The following VPS8 variants were observed in gnomAD, a reference collection of about 807,000 sequenced individuals.
VPS8 encodes the protein VPS8 subunit of CORVET complex, also known as vacuolar protein sorting-associated protein 8 homolog.
A neutral mutation model predicts 216.4 loss-of-function variants in VPS8; 129 were observed. That is an observed-to-expected ratio of 0.60 (90% CI 0.52 to 0.69). The LOEUF (loss-of-function observed/expected upper bound fraction) is 0.69. Among genes scored for constraint, VPS8 ranks in the 30% least tolerant of loss-of-function variants. The probability of loss-of-function intolerance (pLI) is 0.00; values close to 1 mark genes in which losing one functional copy is unlikely to be tolerated. For missense variants in VPS8, 1,531 were observed against 1,683.5 expected, an observed-to-expected ratio of 0.91 and a Z score of 1.59; for synonymous variants, 571 against 565.4, an observed-to-expected ratio of 1.01 and a Z score of -0.14.
chr3:185,023,623 A>T (rs1234201931), intron 45 of VPS8, among the ~76,000 whole-genome samples: 2 of 152,114 alleles, frequency 1.3e-5, no homozygotes, highest in Non-Finnish European at 2.9e-5. Context: ...GTGCCATTGC[A>T]CTCCAGCCTG....
At chr3:185,041,708 ATCACCCGT>A (rs1385186976) in intron 46 of VPS8, among the ~76,000 whole-genome samples, 4 of 152,246 alleles carry the variant, frequency 2.6e-5, no homozygotes, top group Non-Finnish European at 5.9e-5. Context: ...GTGCTGAATT[ATCACCCGT>A]TTGTAAAGGT....
intron 3 of VPS8, 96 bp downstream of exon 3, chr3:184,826,327 T>C (rs1718769987): frequency 2.5e-6 from 2 of 812,058 alleles, no homozygotes; most frequent in African/African-American, 1.8e-5. Context: ...ATGCGCACTT[T>C]CCAGTAGGGT....
At position 184,920,533 on chromosome 3, in the gene VPS8, TC is replaced by T. The variant is rs370209296; in HGVS notation, c.2454+337del. 2.6e-4 allele frequency among the ~76,000 whole-genome samples: 39 copies of T among 152,314 alleles called. No individual in the cohort carries two copies. In the South Asian group the frequency reaches 8.1e-3, roughly 32 times the overall value. On this transcript the variant is annotated intron_variant, in intron 29 of 47. Coordinates refer to ENST00000625842, the MANE Select transcript of VPS8 (RefSeq NM_001009921.3). ...AGAAAACAATTAATATGGAGAATCTTCCTGTGTCTCATGCCAACTTCACTTT... is the reference window on the plus strand; with the variant it reads ...AGAAAACAATTAATATGGAGAATCTTCTGTGTCTCATGCCAACTTCACTTT...
chr3:184,828,658 C>T (rs926384382), intron 3 of VPS8, among the ~76,000 whole-genome samples: 1 of 152,174 alleles, frequency 6.6e-6, no homozygotes, highest in South Asian at 2.1e-4. Context: ...TTGACCCTTT[C>T]TAATCTCCCA....
At chr3:184,884,810 C>A (rs956479688) in intron 21 of VPS8, among the ~76,000 whole-genome samples, 2 of 152,190 alleles carry the variant, frequency 1.3e-5, no homozygotes, top group South Asian at 4.1e-4. Context: ...TTGGAACTTA[C>A]TGCTTTGGTT....
chr3:184,916,991 A>T (rs1358318277), intron 28 of VPS8, among the ~76,000 whole-genome samples: 1 of 152,204 alleles, frequency 6.6e-6, no homozygotes, highest in East Asian at 1.9e-4. Context: ...CTTGGCAACA[A>T]GATATAAACT....
chr3:184,989,808 C>A (rs898391467), intron 42 of VPS8, among the ~76,000 whole-genome samples: 2 of 152,026 alleles, frequency 1.3e-5, no homozygotes, highest in Non-Finnish European at 2.9e-5. Context: ...TGTGGTGGCT[C>A]ACACCTATAA....
chr3:184,847,236 T>C (rs1723303558), intron 8 of VPS8, among the ~76,000 whole-genome samples: 1 of 152,232 alleles, frequency 6.6e-6, no homozygotes, highest in African/African-American at 2.4e-5. Flanking sequence ...AACTCTTTTT[T>C]GGGAAGGAGG....
At chr3:184,827,957 G>A (rs571523203) in intron 3 of VPS8, among the ~76,000 whole-genome samples, 13 of 152,254 alleles carry the variant, frequency 8.5e-5, no homozygotes, top group South Asian at 2.1e-4. Context: ...TTATGAAGAC[G>A]ATAAGGGGGC....
rs376129060 is a variant in VPS8, at chr3:184,852,538, C to T, written c.792C>T (p.Ser264=). 177 of 1,613,552 alleles carry T rather than the reference C, an allele frequency of 1.1e-4. No individual in the cohort carries two copies. The African/African-American group carries it at 1.8e-3, about 16-fold the overall frequency. Residue 264 remains serine, a synonymous_variant, in exon 11 of 48, where the codon AGC becomes AGT. Transcript: ENST00000625842. ...DDPTLAICND[S]GGSVFELTFK... The stretch of plus-strand genomic sequence containing the variant: ...CAACTCTTGCAATTTGCAACGACAG[C>T]GGAGGCTCTGTTTTTGAATTGACAT...
intron 14 of VPS8, among the ~76,000 whole-genome samples, chr3:184,856,427 C>A (rs1391955393): frequency 6.6e-6 from 1 of 152,160 alleles, no homozygotes; most frequent in Non-Finnish European, 1.5e-5. Flanking sequence ...GGTATGCATA[C>A]TGGGGGAAGT....
chr3:184,826,141 A>G (rs768316076), intron 2 of VPS8, 22 bp from the exon 3 acceptor site: 20 of 1,567,556 alleles, frequency 1.3e-5, no homozygotes, highest in Non-Finnish European at 1.7e-5. Flanking sequence ...TTTTGTGAGC[A>G]CTATTTTTTT....
intron 46 of VPS8, among the ~76,000 whole-genome samples, chr3:185,034,707 C>G (rs1208872842): frequency 6.6e-6 from 1 of 151,828 alleles, no homozygotes; most frequent in Admixed American, 6.6e-5. Flanking sequence ...TGCAGATGCT[C>G]TTTAGTTTAA....
intron 8 of VPS8, among the ~76,000 whole-genome samples, chr3:184,845,236 A>C (rs1722904550): frequency 6.6e-6 from 1 of 152,140 alleles, no homozygotes; most frequent in Admixed American, 6.5e-5. Context: ...TGTTCTTTAC[A>C]TGTATCCATG....
intron 46 of VPS8, among the ~76,000 whole-genome samples, chr3:185,034,581 T>C (rs1269237320): frequency 6.6e-6 from 1 of 152,068 alleles, no homozygotes; most frequent in East Asian, 1.9e-4. Context: ...TCCTGTTCTG[T>C]AGATTGTCTG....
At chr3:184,827,784 C>A (rs1719108318) in intron 3 of VPS8, among the ~76,000 whole-genome samples, 1 of 152,090 alleles carries the variant, frequency 6.6e-6, no homozygotes, top group East Asian at 1.9e-4. Context: ...GTTTGAGTGT[C>A]TAGTGTATTT....
chr3:184,980,888 A>G (rs900014466), intron 40 of VPS8, among the ~76,000 whole-genome samples: 4 of 152,196 alleles, frequency 2.6e-5, no homozygotes, highest in Admixed American at 6.5e-5. Context: ...TGTTAAGAAG[A>G]AACTCTGGCT....
Position 185,052,190 on chromosome 3 carries a change from A to C in VPS8, c.*165A>C, listed in dbSNP as rs1454776277. On this transcript the variant is annotated 3_prime_UTR_variant, in exon 48 of 48. Coordinates refer to ENST00000625842, the MANE Select transcript of VPS8 (RefSeq NM_001009921.3). ...GCGTCCACAGCACCATTCCCAGTGT[A>C]GACTCCCAGTCTTCTCCACATTGCT... 2 of 651,008 alleles carry C rather than the reference A, an allele frequency of 3.1e-6. No individual in the cohort carries two copies. The highest frequency in any genetic ancestry group is 3.7e-5 in the African/African-American group (2 of 53,558). 40.3% of individuals were successfully genotyped at this position (651,008 alleles called of 1,614,324 possible).
At chr3:184,932,485 A>C (rs1178098987) in intron 34 of VPS8, among the ~76,000 whole-genome samples, 1 of 152,190 alleles carries the variant, frequency 6.6e-6, no homozygotes, top group Non-Finnish European at 1.5e-5. Flanking sequence ...TGTATAGCTT[A>C]ATTAAAAATG....
Sources: allele counts gnomAD v4.1 joint callset (sites outside exome capture counted in the v4.1 genomes callset), GRCh38; gene constraint gnomAD v4.1.1; transcripts MANE v1.5; gene names NCBI Gene and HGNC (gene_info 2026-07-23, HGNC 2026-07-21).